ATM: variants seen among roughly 807,000 people sequenced by gnomAD.
ATM encodes the protein ATM serine/threonine kinase, also known as serine-protein kinase ATM.
ATM carries 308 observed loss-of-function variants against 387.0 expected under a neutral mutation model. The ratio of observed to expected loss-of-function variants is 0.80; its 90% CI spans 0.73 to 0.87. ATM has a LOEUF of 0.87. Ranked by LOEUF, ATM falls within the 40% of genes least tolerant of loss-of-function variation. The pLI, the probability that ATM is intolerant of heterozygous loss-of-function variation, is 0.00. For synonymous variants in ATM, 1,156 were observed against 1,187.3 expected, an observed-to-expected ratio of 0.97 and a Z score of 0.54; for missense variants, 3,312 against 3,560.9, an observed-to-expected ratio of 0.93 and a Z score of 1.78.
intron 10 of ATM, among the ~76,000 whole-genome samples, chr11:108,251,428 A>G (rs536926993): frequency 6.6e-6 from 1 of 152,270 alleles, no homozygotes; most frequent in East Asian, 1.9e-4. Flanking sequence ...TCTTTTCTTC[A>G]TGCTAGGAAC....
At chr11:108,300,236 T>G (rs2083356689) in intron 34 of ATM, among the ~76,000 whole-genome samples, 1 of 152,196 alleles carries the variant, frequency 6.6e-6, no homozygotes, top group African/African-American at 2.4e-5. Flanking sequence ...GGTGCCACTC[T>G]CCTCTAAGCG....
chr11:108,314,627 G>GT lies in ATM; in HGVS notation c.6007-1195dup, dbSNP rs576938645. On this transcript the variant is annotated intron_variant, in intron 40 of 62. Coordinates refer to ENST00000675843, the MANE Select transcript of ATM (RefSeq NM_000051.4). ...TATATACAGTTGACCCTTGAACAGT[G>GT]TAAGGGTTAGAGGTGCTAACCCCCT... Among the ~76,000 whole-genome samples, 6 of 152,166 alleles carry GT rather than the reference G, an allele frequency of 3.9e-5. No individual in the cohort carries two copies. The South Asian group carries it at 1.2e-3, about 32-fold the overall frequency.
intron 5 of ATM, among the ~76,000 whole-genome samples, chr11:108,241,751 T>C (rs1348479952): frequency 7.4e-6 from 1 of 134,760 alleles, no homozygotes; most frequent in Non-Finnish European, 1.6e-5. Context: ...TCTTTTTTTT[T>C]TTTTTTTTTT....
intron 1 of ATM, chr11:108,226,175 A>G (rs2078726766): frequency 6.6e-6 from 1 of 151,854 alleles, no homozygotes; most frequent in Admixed American, 6.6e-5. Context: ...TTCTGTGGGT[A>G]GATGTGCGGG....
intron 16 of ATM, among the ~76,000 whole-genome samples, chr11:108,260,699 G>A (rs1047889221): frequency 6.6e-5 from 10 of 152,062 alleles, no homozygotes; most frequent in African/African-American, 7.2e-5. Flanking sequence ...CGCAGAAGAC[G>A]GGTGATTTCT....
At position 108,251,049 on chromosome 11, in the gene ATM, T is replaced by C. The variant is rs864622408; in HGVS notation, c.1584T>C (p.Thr528=). Residue 528 remains threonine (T), a synonymous_variant, in exon 10 of 63, where the codon ACT becomes ACC. Transcript: ENST00000675843. The part of the protein sequence containing the change: ...EVDREFWKLF[T]GSACRPSCPA... The stretch of plus-strand genomic sequence containing the variant: ...ACAGAGAATTCTGGAAGTTATTTAC[T>C]GGGTCAGCCTGCAGACCTTCATGGT... 2 of 1,614,172 alleles carry C rather than the reference T, an allele frequency of 1.2e-6. No homozygotes were observed. The highest frequency in any genetic ancestry group is 8.5e-7 in the Non-Finnish European group (1 of 1,180,032).
At chr11:108,259,225 C>T in intron 16 of ATM, 150 bp downstream of exon 16, 1 of 732,472 alleles carries the variant, frequency 1.4e-6, no homozygotes, top group Non-Finnish European at 2.3e-6. Flanking sequence ...TGCGGTGGCT[C>T]ATGCCTGTAA....
At chr11:108,254,853 TG>T (rs2080377122) in intron 13 of ATM, among the ~76,000 whole-genome samples, 1 of 152,158 alleles carries the variant, frequency 6.6e-6, no homozygotes, top group Admixed American at 6.6e-5. Context: ...TTTGCTATGT[TG>T]GCCAGGCTGG....
intron 49 of ATM, among the ~76,000 whole-genome samples, chr11:108,329,911 T>C (rs2086076817): frequency 6.6e-6 from 1 of 152,242 alleles, no homozygotes; most frequent in Admixed American, 6.5e-5. Context: ...GTTACCTATT[T>C]TGATGTAATT....
chr11:108,302,510 C>G (rs1251642340), intron 35 of ATM, among the ~76,000 whole-genome samples: 1 of 152,008 alleles, frequency 6.6e-6, no homozygotes, highest in Non-Finnish European at 1.5e-5. Context: ...ATTTTAAAAT[C>G]TCATTTCATT....
intron 61 of ATM, among the ~76,000 whole-genome samples, chr11:108,361,865 T>TA (rs1337804223): frequency 6.6e-6 from 1 of 151,406 alleles, no homozygotes; most frequent in Non-Finnish European, 1.5e-5. Flanking sequence ...ACCTAGGCAT[T>TA]ACCATTCAGG....
At chr11:108,349,637 T>C (rs977839793) in intron 59 of ATM, among the ~76,000 whole-genome samples, 1 of 151,942 alleles carries the variant, frequency 6.6e-6, no homozygotes, top group Non-Finnish European at 1.5e-5. Context: ...CACTTCAGCC[T>C]GGGCGGCAGA....
At chr11:108,323,412 G>A (rs899509923) in intron 45 of ATM, among the ~76,000 whole-genome samples, 13 of 152,152 alleles carry the variant, frequency 8.5e-5, no homozygotes. Context: ...GTTGTGGAGG[G>A]AGAGGATGAA....
intron 4 of ATM, among the ~76,000 whole-genome samples, chr11:108,233,206 TTAAA>T (rs2079106550): frequency 6.6e-6 from 1 of 152,170 alleles, no homozygotes; most frequent in Non-Finnish European, 1.5e-5. Context: ...TGTACAAAGC[TTAAA>T]TAGAGTCTAG....
chr11:108,349,031 T>C lies in ATM; in HGVS notation c.8671+1666T>C, dbSNP rs180734350. Among the ~76,000 whole-genome samples the C allele has an allele frequency of 6.8e-4, 103 of 152,276 alleles. 1 individual carries two copies. The highest frequency in any genetic ancestry group is 2.4e-3 in the African/African-American group (100 of 41,560). On this transcript the variant is annotated intron_variant, in intron 59 of 62. Transcript: ENST00000675843. The stretch of plus-strand genomic sequence containing the variant: ...TAGATTTCAGTTGAAGTCACTGGGC[T>C]GGAGGAGGTTCTGATCTCACACATC...
intron 61 of ATM, 109 bp from the exon 62 acceptor site, chr11:108,364,973 C>T (rs947538545): frequency 8.0e-7 from 1 of 1,251,204 alleles, no homozygotes; most frequent in African/African-American, 1.5e-5. Context: ...TCCCCTCCCC[C>T]ATCAACTACC....
intron 23 of ATM, among the ~76,000 whole-genome samples, chr11:108,280,189 A>G (rs927278963): frequency 6.6e-6 from 1 of 152,180 alleles, no homozygotes; most frequent in African/African-American, 2.4e-5. Flanking sequence ...GTGAGTTTAG[A>G]AAAGAATTTC....
At position 108,229,267 on chromosome 11, in the gene ATM, A is replaced by G; in HGVS notation, c.275A>G (p.Lys92Arg). 1 of 1,613,916 alleles carries G rather than the reference A, an allele frequency of 6.2e-7. No homozygotes were observed. The highest frequency in any genetic ancestry group is 8.5e-7 in the Non-Finnish European group (1 of 1,179,868). The change falls in exon 4 of 63, where the codon AAA becomes AGA. Residue 92 changes from lysine to arginine, a missense_variant. Physicochemically the swap from Lys to Arg is conservative, Grantham distance 26. This residue lies in a region of ATM where 1,791 missense variants were observed against 1,804.5 expected (regional missense o/e 0.99). Transcript: ENST00000675843. ...VSASTQASRQ[K>R]KMQEISSLVK... ...GCCTCAACACAAGCCTCCAGGCAGA[A>G]AAAGATGCAGGAAATCAGTAGTTTG...
At chr11:108,254,074 A>G (rs2135372994) in intron 13 of ATM, 35 bp downstream of exon 13, 1 of 1,591,438 alleles carries the variant, frequency 6.3e-7, no homozygotes, top group Non-Finnish European at 8.6e-7. Flanking sequence ...AAGCTTATAT[A>G]TGATTCAACT....
Sources: gnomAD v4.1 joint callset for allele counts (sites outside exome capture counted in the v4.1 genomes callset) on GRCh38, gnomAD v4.1.1 for gene constraint, gnomAD v4.1.1 regional missense constraint, MANE v1.5 for transcripts, NCBI Gene and HGNC (gene_info 2026-07-23, HGNC 2026-07-21) for gene names.